Variants in PDE9A observed in about 807,000 individuals in gnomAD.
PDE9A encodes the protein phosphodiesterase 9A.
A neutral mutation model predicts 87.4 loss-of-function variants in PDE9A; 60 were observed. That is an observed-to-expected ratio of 0.69 (90% confidence interval 0.56 to 0.85). The LOEUF is 0.85. Among genes scored for constraint, PDE9A ranks in the 40% least tolerant of loss-of-function variants. The pLI, the probability that PDE9A is intolerant of heterozygous loss-of-function variation, is 0.00. For synonymous variants in PDE9A, 272 were observed against 279.4 expected (o/e 0.97, Z 0.27); for missense variants, 665 against 779.0 (o/e 0.85, Z 1.74).
At chr21:42,707,269 A>C (rs938709892) in intron 4 of PDE9A, among the ~76,000 whole-genome samples, 2 of 152,240 alleles carry the variant, frequency 1.3e-5, no homozygotes, top group African/African-American at 2.4e-5. Context: ...CGGGTGTGCC[A>C]GGCTGGCCTG....
At chr21:42,677,708 T>C (rs568940799) in intron 1 of PDE9A, among the ~76,000 whole-genome samples, 32 of 152,230 alleles carry the variant, frequency 2.1e-4, no homozygotes, top group Admixed American at 2.0e-3. Context: ...AGTGGCACAA[T>C]CTTGGCTCAC....
rs954315793 is a variant in PDE9A at position 42,722,378 on chromosome 21, G to A, written c.263-9392G>A. Among the ~76,000 whole-genome samples the A allele has an allele frequency of 3.3e-5, 5 of 152,346 alleles. No individual in the cohort carries two copies. Among genetic ancestry groups the A allele is most frequent in the African/African-American group, 1.2e-4 (5 of 41,566 alleles). On this transcript the variant is annotated intron_variant, in intron 4 of 19. Coordinates refer to ENST00000291539, the MANE Select transcript of PDE9A (RefSeq NM_002606.3). This position sits in a 1 kb window ranked among gnomAD's most constrained non-coding sequence, Gnocchi z 4.1. ...TGTTGCTCTGGGTTGGGACTAACAAGGTGAAACATGGCTCATTGCATCATA... is the reference window on the plus strand; with the variant it reads ...TGTTGCTCTGGGTTGGGACTAACAAAGTGAAACATGGCTCATTGCATCATA...
At chr21:42,706,471 C>T (rs981748637) in intron 4 of PDE9A, among the ~76,000 whole-genome samples, 4 of 152,136 alleles carry the variant, frequency 2.6e-5, no homozygotes, top group African/African-American at 9.6e-5. Context: ...ATGGTGAAAC[C>T]CTGTCTCTAC....
chr21:42,733,240 ACCTAGAGG>A (rs2052024234), intron 6 of PDE9A, 108 bp from the exon 7 acceptor site: 1 of 677,452 alleles, frequency 1.5e-6, no homozygotes, highest in Admixed American at 2.2e-5. Context: ...TCACCAGCCC[ACCTAGAGG>A]CCTTGCCCAT....
At chr21:42,680,676 C>T (rs1453049875) in intron 1 of PDE9A, among the ~76,000 whole-genome samples, 4 of 152,220 alleles carry the variant, frequency 2.6e-5, no homozygotes, top group South Asian at 2.1e-4. Context: ...CTGAGTGACA[C>T]GTAGCTCTCT....
rs2055644192 is a variant in PDE9A at position 42,760,742 on chromosome 21, A to C, written c.1003-83A>C. On this transcript the variant is annotated intron_variant, in intron 12 of 19. Transcript: ENST00000291539. The surrounding 1 kb of genome is among the most constrained non-coding windows in gnomAD (Gnocchi z 5.2). ...CAGGGGCCTTTGTCCCCCGCTTACC[A>C]CTCACCCAATTCCACCCCCCCTCAC... 2.7e-6 allele frequency: 2 copies of C among 751,832 alleles called. No individual in the cohort carries two copies. The highest frequency in any genetic ancestry group is 2.3e-6 in the Non-Finnish European group (1 of 437,322). The allele number at this position is 751,832 out of a possible 1,614,324, so 46.6% of individuals were successfully genotyped here. A position where few individuals can be genotyped will look rare whatever the true frequency, so the allele number is the denominator to read the frequency against.
chr21:42,750,348 G>A (rs1255043659), intron 8 of PDE9A, among the ~76,000 whole-genome samples: 1 of 152,116 alleles, frequency 6.6e-6, no homozygotes, highest in Non-Finnish European at 1.5e-5. Context: ...CCACCCATGT[G>A]TGTCCACACT....
At position 42,660,436 on chromosome 21, in the gene PDE9A, A is replaced by G. The variant is rs553444691; in HGVS notation, c.69+6553A>G. ...AGACCAAGGCCAGTTGGGTGCTTGC[A>G]TTTCCAGGGGTCCAAATATTTTTGA... On this transcript the variant is annotated intron_variant, in intron 1 of 19. Coordinates refer to ENST00000291539, the MANE Select transcript of PDE9A (RefSeq NM_002606.3). The surrounding 1 kb of genome is among the most constrained non-coding windows in gnomAD (Gnocchi z 4.7). Among the ~76,000 whole-genome samples, 5 of 152,188 alleles carry G rather than the reference A, an allele frequency of 3.3e-5. No individual in the cohort carries two copies. The highest frequency in any genetic ancestry group is 2.0e-4 in the Admixed American group (3 of 15,298).
intron 8 of PDE9A, among the ~76,000 whole-genome samples, chr21:42,749,643 T>C (rs1055351745): frequency 3.3e-5 from 5 of 152,218 alleles, no homozygotes; most frequent in African/African-American, 9.7e-5. Context: ...CTGCTAACAT[T>C]ACATGTAACA....
chr21:42,669,891 C>T (rs1356655411), intron 1 of PDE9A, among the ~76,000 whole-genome samples: 1 of 152,174 alleles, frequency 6.6e-6, no homozygotes, highest in African/African-American at 2.4e-5. Flanking sequence ...GCACACACAG[C>T]CCAGTGTGAC....
At chr21:42,690,857 T>C (rs1050753655) in intron 3 of PDE9A, among the ~76,000 whole-genome samples, 3 of 152,114 alleles carry the variant, frequency 2.0e-5, no homozygotes, top group African/African-American at 7.2e-5. Flanking sequence ...CCTTCCCAGC[T>C]CTGCAGAACC....
At chr21:42,769,730 A>G (rs1204641565) in intron 17 of PDE9A, among the ~76,000 whole-genome samples, 1 of 60,726 alleles carries the variant, frequency 1.6e-5, no homozygotes, top group East Asian at 4.6e-4. Context: ...GCACACACGT[A>G]CAGAGGCACA....
At chr21:42,755,266 C>T (rs2054909627) in intron 10 of PDE9A, among the ~76,000 whole-genome samples, 1 of 152,264 alleles carries the variant, frequency 6.6e-6, no homozygotes, top group Non-Finnish European at 1.5e-5. Context: ...TGCCTCTTGG[C>T]ACCCCTGAGG....
chr21:42,732,768 G>C (rs375296903), intron 6 of PDE9A, among the ~76,000 whole-genome samples: 26 of 152,170 alleles, frequency 1.7e-4, no homozygotes, highest in African/African-American at 6.3e-4. Context: ...TACAAAATTA[G>C]CCGGGCGTGG....
rs188026241 is a variant in PDE9A, at chr21:42,720,626, G to C, written c.263-11144G>C. ...TGTCCCGTCTTTGCAGCTCTAAATAGGAACATGGTGGAGTAGGGCAGGTCG... is the reference window on the plus strand; with the variant it reads ...TGTCCCGTCTTTGCAGCTCTAAATACGAACATGGTGGAGTAGGGCAGGTCG... On this transcript the variant is annotated intron_variant, in intron 4 of 19. Transcript: ENST00000291539. Among the ~76,000 whole-genome samples the C allele has an allele frequency of 2.6e-5, 4 of 152,326 alleles. No individual in the cohort carries two copies. The East Asian group carries it at 7.7e-4, about 29-fold the overall frequency.
In PDE9A at chr21:42,670,080, TACAC is replaced by T. The variant is rs142466484; in HGVS notation, c.70-16108_70-16105del. ...TTACACATTCACACACTCACATACT[TACAC>T]ACATTCTCATACACTCACACATATG... On this transcript the variant is annotated intron_variant, in intron 1 of 19. Coordinates refer to ENST00000291539, the MANE Select transcript of PDE9A (RefSeq NM_002606.3). Among the ~76,000 whole-genome samples the T allele has an allele frequency of 9.4e-3, 1,421 of 151,686 alleles. 14 individuals are homozygous for T. The highest frequency in any genetic ancestry group is 0.02 in the African/African-American group (812 of 41,264).
rs905174373 is a variant in PDE9A, at chr21:42,659,969, A to T, written c.69+6086A>T. 4.6e-5 allele frequency among the ~76,000 whole-genome samples: 7 copies of T among 152,194 alleles called. No homozygotes were observed. Among genetic ancestry groups the T allele is most frequent in the African/African-American group, 1.7e-4 (7 of 41,464 alleles). On this transcript the variant is annotated intron_variant, in intron 1 of 19. Transcript: ENST00000291539. The surrounding 1 kb of genome is among the most constrained non-coding windows in gnomAD (Gnocchi z 4.1). ...GGGGACGAGCCGGGCAGCTGATCTC[A>T]GTGCAGCAACTGGGACACCTCGGGG...
In PDE9A at chr21:42,751,298, A is replaced by C. The variant is rs867224698; in HGVS notation, c.735+101A>C. The C allele has an allele frequency of 6.7e-5, 57 of 845,798 alleles. No individual in the cohort carries two copies. The Middle Eastern group carries it at 7.8e-4, about 12-fold the overall frequency. 52.4% of individuals were successfully genotyped at this position (845,798 alleles called of 1,614,324 possible). ...CAGACCCTGCTGTGTGTACGTTCAC[A>C]TCAACCGCCCCTCCCAGCCCTGGGC... On this transcript the variant is annotated intron_variant, in intron 9 of 19. Transcript: ENST00000291539.
intron 16 of PDE9A, chr21:42,768,787 A>ACATC: frequency 1.0e-6 from 1 of 985,460 alleles, no homozygotes; most frequent in Non-Finnish European, 1.2e-6. Flanking sequence ...GTCCTGGGAT[A>ACATC]CATCCATCCA....
Sources: allele counts gnomAD v4.1 joint callset (sites outside exome capture counted in the v4.1 genomes callset), GRCh38; gene constraint gnomAD v4.1.1; non-coding constraint Gnocchi (gnomAD v3.1); transcripts MANE v1.5; gene names NCBI Gene and HGNC (gene_info 2026-07-23, HGNC 2026-07-21).